The following FGF14 variants were observed in gnomAD, a reference collection of about 807,000 sequenced individuals.
FGF14 encodes fibroblast growth factor homologous factor 4.
FGF14 carries 5 observed loss-of-function variants against 25.5 expected under a neutral mutation model. The observed-to-expected ratio is 0.20, with a 90% CI of 0.10 to 0.41. The LOEUF (loss-of-function observed/expected upper bound fraction) is 0.41, where lower values mean the gene tolerates loss of function less well. Among genes scored for constraint, FGF14 ranks in the 10% least tolerant of loss-of-function variants. The pLI, the probability that FGF14 is intolerant of heterozygous loss-of-function variation, is 1.00. For missense variants in FGF14, 222 were observed against 320.1 expected (o/e 0.69, Z 2.34); for synonymous variants, 138 against 118.3 (o/e 1.17, Z -1.08).
chr13:101,731,859 T>C (rs1387116257), intron 3 of FGF14, among the ~76,000 whole-genome samples: 2 of 152,228 alleles, frequency 1.3e-5, no homozygotes, highest in East Asian at 3.8e-4. Flanking sequence ...ATATATTGTC[T>C]GTGTCTGCAT....
intron 1 of FGF14, among the ~76,000 whole-genome samples, chr13:102,000,040 G>A (rs2039397137): frequency 6.6e-6 from 1 of 152,124 alleles, no homozygotes; most frequent in Non-Finnish European, 1.5e-5. Context: ...TGTTTGCCGG[G>A]CGCGGTGGCT....
intron 1 of FGF14, among the ~76,000 whole-genome samples, chr13:102,379,518 A>G (rs918667260): frequency 6.6e-6 from 1 of 151,778 alleles, no homozygotes; most frequent in Non-Finnish European, 1.5e-5. Context: ...TTTAAAGTAT[A>G]TATATATATA....
chr13:101,824,323 T>TTG (rs1427637735), intron 3 of FGF14, among the ~76,000 whole-genome samples: 1 of 152,184 alleles, frequency 6.6e-6, no homozygotes, highest in African/African-American at 2.4e-5. Flanking sequence ...TATATTTACT[T>TTG]TGTGTGTGTG....
intron 3 of FGF14, among the ~76,000 whole-genome samples, chr13:101,774,426 C>T (rs977820540): frequency 2.6e-5 from 4 of 152,112 alleles, no homozygotes; most frequent in Non-Finnish European, 2.9e-5. Context: ...GTGCTAGAGG[C>T]GGACAGGGAT....
chr13:102,161,565 T>TGGAAGAAGAAGAAGAAGAAGAAAGAA (rs1555369339), intron 1 of FGF14, among the ~76,000 whole-genome samples: 1 of 97,926 alleles, frequency 1.0e-5, no homozygotes, highest in Non-Finnish European at 2.4e-5. Context: ...CAACTTTCTG[T>TGGAAGAAGAAGAAGAAGAAGAAAGAA]GAAGAAAGAA....
intron 3 of FGF14, among the ~76,000 whole-genome samples, chr13:101,822,295 C>T (rs779237112): frequency 2.0e-5 from 3 of 152,048 alleles, no homozygotes; most frequent in Non-Finnish European, 4.4e-5. Context: ...GCAGTGGAGA[C>T]TTTACCATAA....
At chr13:101,755,900 T>C (rs1360124759) in intron 3 of FGF14, among the ~76,000 whole-genome samples, 3 of 152,202 alleles carry the variant, frequency 2.0e-5, no homozygotes, top group Admixed American at 6.5e-5. Context: ...AGTTTTAAAA[T>C]GGGAGTTTTT....
At chr13:102,283,781 C>A (rs1235937368) in intron 1 of FGF14, among the ~76,000 whole-genome samples, 1 of 152,106 alleles carries the variant, frequency 6.6e-6, no homozygotes. Context: ...TGTTTCACTC[C>A]CTAATCCTTA....
At chr13:101,909,182 C>G (rs1039490595) in intron 1 of FGF14, among the ~76,000 whole-genome samples, 1 of 152,094 alleles carries the variant, frequency 6.6e-6, no homozygotes, top group African/African-American at 2.4e-5. Context: ...TAGGCATGTG[C>G]GAGGACTTCA....
chr13:101,945,395 C>T (rs1378113381), intron 1 of FGF14, among the ~76,000 whole-genome samples: 1 of 152,090 alleles, frequency 6.6e-6, no homozygotes, highest in East Asian at 1.9e-4. Flanking sequence ...AATAAAAGGG[C>T]AAAAAATAAT....
intron 1 of FGF14, among the ~76,000 whole-genome samples, chr13:102,102,557 T>G (rs564212006): frequency 3.9e-5 from 6 of 152,218 alleles, no homozygotes; most frequent in African/African-American, 1.4e-4. Flanking sequence ...ATTTTACCAA[T>G]GACTTGATCA....
rs75845562 is a variant in FGF14 at position 101,901,877 on chromosome 13, T to C, written c.193+14576A>G. 8.3e-3 allele frequency among the ~76,000 whole-genome samples: 1,269 copies of C among 152,270 alleles called. 14 individuals are homozygous for C. The highest frequency in any genetic ancestry group is 0.028 in the African/African-American group (1,174 of 41,540). ...TCTTTCGTTTGAAAAATAAAGAGAA[T>C]ATTATCTACTTTAAAGGGTTTTTTA... On this transcript the variant is annotated intron_variant, in intron 1 of 4. Transcript: ENST00000376143.
chr13:101,875,053 G>C lies in FGF14; in HGVS notation c.304+133C>G, dbSNP rs1236446042. Reference sequence around the variant, plus strand: ...CGTAGTTTAAATAAAATTGTAAATGGCATCCTAGTGTGTAACATTTGTAAA... The same window carrying C: ...CGTAGTTTAAATAAAATTGTAAATGCCATCCTAGTGTGTAACATTTGTAAA... On this transcript the variant is annotated intron_variant, in intron 2 of 4. Transcript: ENST00000376143. 3 of 704,974 alleles carry C rather than the reference G, an allele frequency of 4.3e-6. No individual in the cohort carries two copies. In the Admixed American group the frequency reaches 6.1e-5, roughly 14 times the overall value. 43.7% of individuals were successfully genotyped at this position (704,974 alleles called of 1,614,324 possible). A position where few individuals can be genotyped will look rare whatever the true frequency, so the allele number is the denominator to read the frequency against.
chr13:102,209,011 T>C (rs2050054403), intron 1 of FGF14, among the ~76,000 whole-genome samples: 1 of 152,230 alleles, frequency 6.6e-6, no homozygotes, highest in Non-Finnish European at 1.5e-5. Context: ...GAATTTACAA[T>C]GAGTTTCTTG....
intron 3 of FGF14, among the ~76,000 whole-genome samples, chr13:101,759,691 C>T (rs1435942102): frequency 1.3e-5 from 2 of 152,144 alleles, no homozygotes; most frequent in African/African-American, 4.8e-5. Flanking sequence ...CTTCAGTTTG[C>T]TCAGCTGTAA....
intron 1 of FGF14, among the ~76,000 whole-genome samples, chr13:102,085,019 C>G (rs986179720): frequency 6.6e-6 from 1 of 152,190 alleles, no homozygotes; most frequent in Non-Finnish European, 1.5e-5. Context: ...CTGAAATTAT[C>G]TTAGGAAATA....
chr13:102,260,003 T>C (rs373781894), intron 1 of FGF14, among the ~76,000 whole-genome samples: 27 of 152,278 alleles, frequency 1.8e-4, no homozygotes, highest in African/African-American at 6.5e-4. Context: ...AGGAGATTCA[T>C]AATGTACATG....
chr13:101,831,260 T>A (rs1340041629), intron 3 of FGF14, among the ~76,000 whole-genome samples: 1 of 150,784 alleles, frequency 6.6e-6, no homozygotes, highest in African/African-American at 2.4e-5. Flanking sequence ...ATTTATTTAT[T>A]TATTTATTTA....
intron 3 of FGF14, among the ~76,000 whole-genome samples, chr13:101,802,880 AC>A (rs1439164667): frequency 6.6e-6 from 1 of 152,084 alleles, no homozygotes; most frequent in Non-Finnish European, 1.5e-5. Flanking sequence ...ATAGAGACAA[AC>A]TTTTGAGGCC....
Sources: allele counts gnomAD v4.1 joint callset (sites outside exome capture counted in the v4.1 genomes callset), GRCh38; gene constraint gnomAD v4.1.1; transcripts MANE v1.5; gene names NCBI Gene and HGNC (gene_info 2026-07-23, HGNC 2026-07-21).